The following ATP13A4 variants were observed in gnomAD, a reference collection of about 807,000 sequenced individuals.
ATP13A4 encodes probable cation-transporting ATPase 13A4.
In ATP13A4, 114 loss-of-function variants were observed where a neutral mutation model predicts 142.5. That is an observed-to-expected ratio of 0.80 (90% CI 0.69 to 0.93). The LOEUF (loss-of-function observed/expected upper bound fraction) is 0.93, where lower values mean the gene tolerates loss of function less well. ATP13A4 is among the 40% of genes least tolerant of loss of function. The pLI is 0.00. For synonymous variants in ATP13A4, 488 were observed against 514.8 expected (o/e 0.95, Z 0.70); for missense variants, 1,392 against 1,454.0 (o/e 0.96, Z 0.69).
chr3:193,415,455 C>G (rs1189410564), intron 25 of ATP13A4, among the ~76,000 whole-genome samples: 1 of 152,188 alleles, frequency 6.6e-6, no homozygotes, highest in Non-Finnish European at 1.5e-5. Context: ...TTTAGGATCA[C>G]AGGAAAGTTT....
At chr3:193,458,783 C>T (rs1421587468) in intron 14 of ATP13A4, 2 of 589,526 alleles carry the variant, frequency 3.4e-6, no homozygotes, top group Non-Finnish European at 6.0e-6. Flanking sequence ...CAAGAAATAA[C>T]TGCATAATAA....
Position 193,412,170 on chromosome 3 carries a change from C to T in ATP13A4, c.3208+8G>A. On this transcript the variant is annotated splice_region_variant and intron_variant, in intron 27 of 29. Transcript: ENST00000342695. ...TTCTCACCTCTGATGCAGTACAGTT[C>T]TACTCACAGTTTGTATAAGTTGGCT... 1 of 1,589,720 alleles carries T rather than the reference C, an allele frequency of 6.3e-7. No individual in the cohort carries two copies.
intron 26 of ATP13A4, among the ~76,000 whole-genome samples, chr3:193,413,480 C>A: frequency 6.6e-6 from 1 of 152,098 alleles, no homozygotes; most frequent in Non-Finnish European, 1.5e-5. Context: ...CAGAATAGAG[C>A]CATATTTTTC....
intron 11 of ATP13A4, among the ~76,000 whole-genome samples, chr3:193,465,484 G>A (rs564502848): frequency 1.4e-3 from 206 of 152,222 alleles, no homozygotes; most frequent in African/African-American, 4.3e-3. Flanking sequence ...CACCTTGCCC[G>A]GCCTTCCTTC....
Position 193,412,294 on chromosome 3 carries a change from C to T in ATP13A4, c.3092G>A (p.Ser1031Asn). ...AGTGTTCTCAAAACTTGTGAAGGTGCTATTACTTTCCATTTTTTCTGGAGC... is the reference window on the plus strand; with the variant it reads ...AGTGTTCTCAAAACTTGTGAAGGTGTTATTACTTTCCATTTTTTCTGGAGC... ...PTAPEKMESN[S>N]TFTSFENTTV... is the part of the protein sequence containing the mutation. The change falls in exon 27 of 30, where the codon AGC becomes AAC. Residue 1031 changes from serine to asparagine, a missense_variant. By Grantham distance (46) the Ser-to-Asn change is conservative (BLOSUM62 1). Coordinates refer to ENST00000342695, the MANE Select transcript of ATP13A4 (RefSeq NM_032279.4). 6.2e-7 allele frequency: 1 copy of T among 1,613,886 alleles called. No homozygotes were observed. The highest frequency in any genetic ancestry group is 8.5e-7 in the Non-Finnish European group (1 of 1,179,776).
chr3:193,461,559 T>A (rs1717945782), intron 13 of ATP13A4, among the ~76,000 whole-genome samples: 1 of 152,248 alleles, frequency 6.6e-6, no homozygotes, highest in African/African-American at 2.4e-5. Flanking sequence ...ATCACTTTTT[T>A]AATCCAGGAA....
chr3:193,515,231 A>C (rs1560247832), intron 1 of ATP13A4, among the ~76,000 whole-genome samples: 1 of 152,140 alleles, frequency 6.6e-6, no homozygotes, highest in Admixed American at 6.5e-5. Flanking sequence ...CATTTCATAC[A>C]TGGTGGGACT....
At chr3:193,467,172 C>CTACTATA in intron 10 of ATP13A4, 144 bp downstream of exon 10, 1 of 776,122 alleles carries the variant, frequency 1.3e-6, no homozygotes, top group East Asian at 2.7e-5. Context: ...ATATACACAG[C>CTACTATA]TACTATATAC....
Position 193,457,512 on chromosome 3 carries a change from T to G in ATP13A4, c.1675-47A>C, listed in dbSNP as rs1717699026. On this transcript the variant is annotated intron_variant, in intron 14 of 29. Transcript: ENST00000342695. ...TCATTGCAGAGATTTATTTATTGTT[T>G]GCCCACTGATGCTATGCTTGAACCC... is the stretch of plus-strand genomic sequence containing the variant. 3.2e-6 allele frequency: 5 copies of G among 1,545,330 alleles called. No individual in the cohort carries two copies. The East Asian group carries it at 1.1e-4, about 35-fold the overall frequency.
chr3:193,522,095 T>C (rs1323702641), intron 1 of ATP13A4, among the ~76,000 whole-genome samples: 1 of 152,234 alleles, frequency 6.6e-6, no homozygotes, highest in Non-Finnish European at 1.5e-5. Flanking sequence ...TCAGCTGAGC[T>C]GCAGTCTGAT....
At chr3:193,561,335 T>A (rs73888594) in intron 2 of ATP13A4, among the ~76,000 whole-genome samples, 16,460 of 152,260 alleles carry the variant, frequency 0.11, 952 homozygotes, top group South Asian at 0.19. Context: ...CTGGTGCAGA[T>A]GAAGAAAGCG....
At chr3:193,454,328 T>G in intron 16 of ATP13A4, 116 bp from the exon 17 acceptor site, 1 of 759,582 alleles carries the variant, frequency 1.3e-6, no homozygotes, top group Non-Finnish European at 2.3e-6. Flanking sequence ...TACAAAGATA[T>G]GTAAACAAGT....
chr3:193,539,916 C>T (rs939402194), intron 1 of ATP13A4, among the ~76,000 whole-genome samples: 3 of 152,132 alleles, frequency 2.0e-5, no homozygotes, highest in Admixed American at 1.3e-4. Context: ...GAAATTATTT[C>T]GATGTTGTTA....
chr3:193,584,491 C>A (rs1162039413), intron 1 of ATP13A4, among the ~76,000 whole-genome samples: 1 of 152,122 alleles, frequency 6.6e-6, no homozygotes, highest in African/African-American at 2.4e-5. Flanking sequence ...CAATAGGAAA[C>A]GAATACCAGC....
chr3:193,579,209 C>T (rs550599286), intron 2 of ATP13A4: 5 of 159,100 alleles, frequency 3.1e-5, no homozygotes, highest in Non-Finnish European at 4.2e-5. Context: ...AGTAATATCA[C>T]ATTCACACTC....
chr3:193,579,076 C>G (rs1724473005), intron 2 of ATP13A4: 1 of 175,610 alleles, frequency 5.7e-6, no homozygotes, highest in African/African-American at 2.4e-5. Flanking sequence ...CAGCAATAAT[C>G]AGGACAACAC....
chr3:193,463,985 T>G (rs1193603562), intron 12 of ATP13A4, among the ~76,000 whole-genome samples: 1 of 152,324 alleles, frequency 6.6e-6, no homozygotes. Context: ...TCAAAATGAA[T>G]AGTAGTGATG....
chr3:193,499,699 T>C (rs376057155), intron 3 of ATP13A4, among the ~76,000 whole-genome samples: 1 of 152,184 alleles, frequency 6.6e-6, no homozygotes, highest in South Asian at 2.1e-4. Flanking sequence ...ATCTACTTAT[T>C]AATTATATAA....
At chr3:193,502,896 G>A (rs867183802) in intron 2 of ATP13A4, among the ~76,000 whole-genome samples, 6 of 152,228 alleles carry the variant, frequency 3.9e-5, no homozygotes, top group South Asian at 4.2e-4. Context: ...AGGCTCATTC[G>A]CAGGTAAGAA....
Sources: gnomAD v4.1 joint callset for allele counts (sites outside exome capture counted in the v4.1 genomes callset) on GRCh38, gnomAD v4.1.1 for gene constraint, MANE v1.5 for transcripts, NCBI Gene and HGNC (gene_info 2026-07-23, HGNC 2026-07-21) for gene names.